AUTS2: variants seen among roughly 807,000 people sequenced by gnomAD.
AUTS2 encodes activator of transcription and developmental regulator AUTS2.
A neutral mutation model predicts 112.4 loss-of-function variants in AUTS2; 17 were observed. The observed-to-expected ratio is 0.15, with a 90% CI of 0.10 to 0.23. The LOEUF (loss-of-function observed/expected upper bound fraction) is 0.23. AUTS2 is among the 10% of genes least tolerant of loss of function. The probability of loss-of-function intolerance (pLI) is 1.00; values close to 1 mark genes in which losing one functional copy is unlikely to be tolerated. For synonymous variants in AUTS2, 751 were observed against 702.7 expected, an observed-to-expected ratio of 1.07 and a Z score of -1.09; for missense variants, 1,510 against 1,701.6, an observed-to-expected ratio of 0.89 and a Z score of 1.98.
intron 2 of AUTS2, among the ~76,000 whole-genome samples, chr7:70,105,487 C>T (rs1288125728): frequency 6.6e-6 from 1 of 152,056 alleles, no homozygotes; most frequent in Non-Finnish European, 1.5e-5. Context: ...TTGAACTTGT[C>T]CCTCAAGTGA....
At chr7:69,842,203 A>G (rs191152630) in intron 1 of AUTS2, among the ~76,000 whole-genome samples, 2 of 152,318 alleles carry the variant, frequency 1.3e-5, no homozygotes, top group Admixed American at 6.5e-5. Flanking sequence ...TTATCTAGAA[A>G]TATGTTGGCA....
chr7:70,174,366 G>T (rs1359277220), intron 4 of AUTS2, among the ~76,000 whole-genome samples: 1 of 152,208 alleles, frequency 6.6e-6, no homozygotes, highest in Non-Finnish European at 1.5e-5. Flanking sequence ...TTTAAGGAAA[G>T]GAACTATCTC....
intron 2 of AUTS2, among the ~76,000 whole-genome samples, chr7:70,067,709 G>A (rs1016202443): frequency 1.3e-5 from 2 of 152,158 alleles, no homozygotes; most frequent in Non-Finnish European, 1.5e-5. Context: ...GAAATTAGCT[G>A]GGAGTGGTGG....
chr7:70,371,488 A>G (rs573895827), intron 4 of AUTS2, among the ~76,000 whole-genome samples: 11 of 152,360 alleles, frequency 7.2e-5, no homozygotes, highest in African/African-American at 2.6e-4. Flanking sequence ...AGTCTTCTCC[A>G]ACTAATGATA....
chr7:70,410,713 G>T (rs550536840), intron 4 of AUTS2, among the ~76,000 whole-genome samples: 2 of 151,830 alleles, frequency 1.3e-5, no homozygotes, highest in Admixed American at 6.6e-5. Flanking sequence ...GAGCCACTGC[G>T]CCTGGCTGGG....
intron 6 of AUTS2, among the ~76,000 whole-genome samples, chr7:70,704,674 G>A (rs1433989317): frequency 6.6e-6 from 1 of 152,234 alleles, no homozygotes; most frequent in Non-Finnish European, 1.5e-5. Flanking sequence ...AGAGTCTAAT[G>A]AGAACAGTTG....
At chr7:69,905,986 C>T (rs2129541346) in intron 2 of AUTS2, among the ~76,000 whole-genome samples, 1 of 152,256 alleles carries the variant, frequency 6.6e-6, no homozygotes, top group Admixed American at 6.5e-5. Flanking sequence ...TGTATTTGTG[C>T]ATGCAGAACT....
intron 1 of AUTS2, among the ~76,000 whole-genome samples, chr7:69,664,530 A>G (rs996310046): frequency 1.3e-5 from 2 of 152,242 alleles, no homozygotes; most frequent in African/African-American, 4.8e-5. Flanking sequence ...CAAATGAGAC[A>G]TTAATATTTT....
At chr7:69,658,294 G>C (rs888716969) in intron 1 of AUTS2, among the ~76,000 whole-genome samples, 2 of 152,206 alleles carry the variant, frequency 1.3e-5, no homozygotes, top group Non-Finnish European at 2.9e-5. Flanking sequence ...CAGGCATATA[G>C]TGTAAATGCT....
chr7:69,638,881 A>G (rs1332041440), intron 1 of AUTS2, among the ~76,000 whole-genome samples: 1 of 152,222 alleles, frequency 6.6e-6, no homozygotes, highest in African/African-American at 2.4e-5. Context: ...TTTGATTGAC[A>G]GTGGGGCACA....
chr7:70,003,658 A>G (rs377303647), intron 2 of AUTS2, among the ~76,000 whole-genome samples: 203 of 115,910 alleles, frequency 1.8e-3, no homozygotes, highest in Middle Eastern at 0.014. Context: ...TTATATATGA[A>G]TATATATAAT....
chr7:70,608,668 T>A (rs1803912850), intron 5 of AUTS2, among the ~76,000 whole-genome samples: 1 of 152,222 alleles, frequency 6.6e-6, no homozygotes, highest in Non-Finnish European at 1.5e-5. Flanking sequence ...ACATTCTGTG[T>A]GGGATTGGGA....
rs147485181 is a variant in AUTS2 at position 69,606,048 on chromosome 7, T to A, written c.309+6086T>A. Among the ~76,000 whole-genome samples, 63 of 152,344 alleles carry A rather than the reference T, an allele frequency of 4.1e-4. No individual in the cohort carries two copies. In the East Asian group the frequency reaches 0.011, roughly 27 times the overall value. ...TGTGGAGATTAACTACTTGCACCTT[T>A]TTTTTGGAATTAGAATGTAAATGAA... On this transcript the variant is annotated intron_variant, in intron 1 of 18. Coordinates refer to ENST00000342771, the MANE Select transcript of AUTS2 (RefSeq NM_015570.4).
At chr7:69,800,115 C>A (rs560518384) in intron 1 of AUTS2, among the ~76,000 whole-genome samples, 1 of 152,272 alleles carries the variant, frequency 6.6e-6, no homozygotes, top group African/African-American at 2.4e-5. Flanking sequence ...TCGAATCAAA[C>A]CAGTGTAAGT....
intron 1 of AUTS2, among the ~76,000 whole-genome samples, chr7:69,665,902 G>A (rs1796010617): frequency 1.3e-5 from 2 of 152,058 alleles, no homozygotes; most frequent in South Asian, 4.1e-4. Context: ...GTGAAGTTAG[G>A]CCATTAGAAA....
At chr7:70,037,002 A>G (rs533926811) in intron 2 of AUTS2, among the ~76,000 whole-genome samples, 1 of 152,310 alleles carries the variant, frequency 6.6e-6, no homozygotes, top group East Asian at 1.9e-4. Context: ...TAAATATTTG[A>G]CAGGTGTTTT....
In AUTS2 at chr7:69,745,726, G is replaced by T. The variant is rs566702997; in HGVS notation, c.309+145764G>T. On this transcript the variant is annotated intron_variant, in intron 1 of 18. Transcript: ENST00000342771. ...ATTTGGGGGAAGTAATATTTGTGTG[G>T]GTTTAAAAAAAGTAATCTTGCAGTT... is the stretch of plus-strand genomic sequence containing the variant. Among the ~76,000 whole-genome samples the T allele has an allele frequency of 3.3e-5, 5 of 152,122 alleles. No individual in the cohort carries two copies. In the South Asian group the frequency reaches 1.0e-3, roughly 32 times the overall value.
chr7:69,610,556 G>A (rs1382218868), intron 1 of AUTS2, among the ~76,000 whole-genome samples: 3 of 152,164 alleles, frequency 2.0e-5, no homozygotes, highest in African/African-American at 4.8e-5. Context: ...TTTCCTGCAC[G>A]TGTTCCCGGT....
At chr7:69,747,313 T>C (rs1787537010) in intron 1 of AUTS2, among the ~76,000 whole-genome samples, 2 of 152,318 alleles carry the variant, frequency 1.3e-5, no homozygotes, top group South Asian at 2.1e-4. Flanking sequence ...CAAAATAGGA[T>C]GTAGCTTGAA....
Sources: gnomAD v4.1 joint callset for allele counts (sites outside exome capture counted in the v4.1 genomes callset) on GRCh38, gnomAD v4.1.1 for gene constraint, MANE v1.5 for transcripts, NCBI Gene and HGNC (gene_info 2026-07-23, HGNC 2026-07-21) for gene names.